EYA3: variants seen among roughly 807,000 people sequenced by gnomAD.
EYA3 encodes the protein EYA transcriptional coactivator and phosphatase 3, also known as protein phosphatase EYA3.
A neutral mutation model predicts 80.0 loss-of-function variants in EYA3; 39 were observed. The ratio of observed to expected loss-of-function variants is 0.49; its 90% CI spans 0.38 to 0.64. EYA3 has a LOEUF of 0.64. EYA3 is among the 30% of genes least tolerant of loss of function. The pLI, the probability that EYA3 is intolerant of heterozygous loss-of-function variation, is 0.00. For missense variants in EYA3, 523 were observed against 676.1 expected, an observed-to-expected ratio of 0.77 and a Z score of 2.51; for synonymous variants, 206 against 232.8, an observed-to-expected ratio of 0.88 and a Z score of 1.05.
At chr1:28,015,567 T>C (rs995974389) in intron 8 of EYA3, among the ~76,000 whole-genome samples, 5 of 152,036 alleles carry the variant, frequency 3.3e-5, no homozygotes, top group African/African-American at 1.2e-4. Context: ...GAAAATATTC[T>C]GAGCAGGTCA....
At chr1:27,977,197 A>G (rs1430303376) in intron 17 of EYA3, 8 of 1,488,828 alleles carry the variant, frequency 5.4e-6, no homozygotes, top group African/African-American at 2.8e-5. Context: ...GCTTCATAAC[A>G]TATGTGAAAA....
At chr1:28,081,071 T>C (rs1396939238) in intron 1 of EYA3, among the ~76,000 whole-genome samples, 1 of 152,104 alleles carries the variant, frequency 6.6e-6, no homozygotes, top group East Asian at 1.9e-4. Context: ...GTTCTCTAAA[T>C]TGTAGTTTTA....
In EYA3 at chr1:27,970,665, C is replaced by T. The variant is rs1468933270; in HGVS notation, c.*3801G>A. On this transcript the variant is annotated 3_prime_UTR_variant, in exon 18 of 18. Transcript: ENST00000373871. ...TGGGGCTGAGGCAGAACTAGATTTTCTCTCTTGTGGTTTAAGATATTTTAG... is the reference window on the plus strand; with the variant it reads ...TGGGGCTGAGGCAGAACTAGATTTTTTCTCTTGTGGTTTAAGATATTTTAG... The T allele has an allele frequency of 1.3e-5, 2 of 152,234 alleles. No individual in the cohort carries two copies. The highest frequency in any genetic ancestry group is 2.4e-5 in the African/African-American group (1 of 41,448). The allele number at this position is 152,234 out of a possible 1,614,324, so 9.4% of individuals were successfully genotyped here. A position where few individuals can be genotyped will look rare whatever the true frequency, so the allele number is the denominator to read the frequency against.
intron 1 of EYA3, among the ~76,000 whole-genome samples, chr1:28,062,672 G>T (rs1459159814): frequency 6.6e-6 from 1 of 151,434 alleles, no homozygotes; most frequent in Non-Finnish European, 1.5e-5. Context: ...GTGTGTGTGT[G>T]TGTGTGTGTG....
intron 17 of EYA3, chr1:27,977,341 T>C (rs1341766635): frequency 1.3e-6 from 2 of 1,550,550 alleles, no homozygotes; most frequent in Non-Finnish European, 1.7e-6. Context: ...ATCAGGGCAG[T>C]TGGTTCTAGC....
At chr1:27,992,076 A>G (rs1640104932) in intron 14 of EYA3, among the ~76,000 whole-genome samples, 1 of 152,220 alleles carries the variant, frequency 6.6e-6, no homozygotes, top group Non-Finnish European at 1.5e-5. Context: ...TTTATCTGGT[A>G]TTAGAGAGCT....
In EYA3 at chr1:27,971,704, C is replaced by T. The variant is rs1280093853; in HGVS notation, c.*2762G>A. 1.3e-5 allele frequency: 2 copies of T among 151,958 alleles called. No homozygotes were observed. The highest frequency in any genetic ancestry group is 1.3e-4 in the Admixed American group (2 of 15,268). The allele number at this position is 151,958 out of a possible 1,614,324, so 9.4% of individuals were successfully genotyped here. On this transcript the variant is annotated 3_prime_UTR_variant, in exon 18 of 18. Coordinates refer to ENST00000373871, the MANE Select transcript of EYA3 (RefSeq NM_001990.4). The stretch of plus-strand genomic sequence containing the variant: ...ATGAGGACTCTAATGAAGAGGGTCT[C>T]CCCCTTGATGAATGGACCCACAGTG...
chr1:27,998,940 T>C (rs938221536), intron 12 of EYA3, among the ~76,000 whole-genome samples: 13 of 152,060 alleles, frequency 8.5e-5, no homozygotes, highest in African/African-American at 3.1e-4. Flanking sequence ...GGCTAATTTT[T>C]GTATTTTTGG....
intron 5 of EYA3, among the ~76,000 whole-genome samples, chr1:28,037,773 T>C (rs1643535024): frequency 6.6e-6 from 1 of 152,172 alleles, no homozygotes; most frequent in Non-Finnish European, 1.5e-5. Context: ...TTAATGAAAA[T>C]TCAAAAGGTA....
rs542468821 is a variant in EYA3, at chr1:27,984,514, T to C, written c.1540+4021A>G. ...CTTACCTTTTGCGGTAAGTTTTTAA[T>C]CTACCTGTAATTTATTTTTGCATAT... On this transcript the variant is annotated intron_variant, in intron 16 of 17. Transcript: ENST00000373871. 3.9e-5 allele frequency among the ~76,000 whole-genome samples: 6 copies of C among 152,316 alleles called. No individual in the cohort carries two copies. The South Asian group carries it at 8.3e-4, about 21-fold the overall frequency.
intron 1 of EYA3, among the ~76,000 whole-genome samples, chr1:28,078,000 G>A (rs1645283252): frequency 6.6e-6 from 1 of 151,956 alleles, no homozygotes; most frequent in Non-Finnish European, 1.5e-5. Context: ...TAAAATCTAG[G>A]TTCAGTTTTT....
At chr1:27,976,259 A>C (rs1638924686) in intron 17 of EYA3, among the ~76,000 whole-genome samples, 1 of 152,178 alleles carries the variant, frequency 6.6e-6, no homozygotes, top group Admixed American at 6.5e-5. Flanking sequence ...CAGGAGTTTG[A>C]GACCAGCCTG....
intron 17 of EYA3, chr1:27,977,106 T>C: frequency 1.3e-5 from 13 of 985,354 alleles, no homozygotes; most frequent in Non-Finnish European, 1.6e-5. Context: ...CCCATACCCT[T>C]CTTCAGACCA....
intron 14 of EYA3, among the ~76,000 whole-genome samples, chr1:27,993,052 T>C (rs1640181686): frequency 6.6e-6 from 1 of 151,512 alleles, no homozygotes; most frequent in Non-Finnish European, 1.5e-5. Flanking sequence ...CTGATAGTTA[T>C]ATAAACCAGC....
chr1:27,983,520 G>C (rs1223634876), intron 16 of EYA3, among the ~76,000 whole-genome samples: 1 of 152,122 alleles, frequency 6.6e-6, no homozygotes, highest in African/African-American at 2.4e-5. Context: ...TAATTTGTGA[G>C]GTTAAGGACT....
chr1:28,002,816 GAAAA>G (rs900911892), intron 11 of EYA3, among the ~76,000 whole-genome samples: 1 of 145,802 alleles, frequency 6.9e-6, no homozygotes, highest in Non-Finnish European at 1.5e-5. Context: ...TATCTCAGGA[GAAAA>G]AAAAAACACA....
At chr1:28,034,932 T>G (rs1643362154) in intron 6 of EYA3, among the ~76,000 whole-genome samples, 1 of 152,170 alleles carries the variant, frequency 6.6e-6, no homozygotes, top group Non-Finnish European at 1.5e-5. Context: ...AGATATTAAG[T>G]GCCCAAAGAA....
rs1485935452 is a variant in EYA3 at position 27,972,342 on chromosome 1, T to G, written c.*2124A>C. ...GGGAAGGCCTACCTCACACTACATC[T>G]CCCTCCTCCCAACCCCACAGGAAAC... is the stretch of plus-strand genomic sequence containing the variant. On this transcript the variant is annotated 3_prime_UTR_variant, in exon 18 of 18. Coordinates refer to ENST00000373871, the MANE Select transcript of EYA3 (RefSeq NM_001990.4). 6.6e-6 allele frequency: 1 copy of G among 151,954 alleles called. No homozygotes were observed. The highest frequency in any genetic ancestry group is 1.5e-5 in the Non-Finnish European group (1 of 68,028). 9.4% of individuals were successfully genotyped at this position (151,954 alleles called of 1,614,324 possible).
chr1:28,027,079 G>A (rs1405018927), intron 7 of EYA3, among the ~76,000 whole-genome samples: 1 of 152,120 alleles, frequency 6.6e-6, no homozygotes, highest in Non-Finnish European at 1.5e-5. Flanking sequence ...AATATCAGGA[G>A]AAAAGAGGCA....
Sources: gnomAD v4.1 joint callset for allele counts (sites outside exome capture counted in the v4.1 genomes callset) on GRCh38, gnomAD v4.1.1 for gene constraint, MANE v1.5 for transcripts, NCBI Gene and HGNC (gene_info 2026-07-23, HGNC 2026-07-21) for gene names.